SLC38A11: variants seen among roughly 807,000 people sequenced by gnomAD.
The protein encoded by SLC38A11 is solute carrier family 38 member 11, also known as putative sodium-coupled neutral amino acid transporter 11.
A neutral mutation model predicts 49.4 loss-of-function variants in SLC38A11; 51 were observed. That is an observed-to-expected ratio of 1.03 (90% CI 0.83 to 1.30). The LOEUF is 1.30. Ranked by LOEUF, SLC38A11 falls within the 50% of genes most tolerant of loss-of-function variation. The pLI is 0.00. For synonymous variants in SLC38A11, 203 were observed against 192.9 expected (o/e 1.05, Z -0.43); for missense variants, 574 against 556.2 (o/e 1.03, Z -0.32).
At chr2:164,930,051 T>G (rs545681744) in intron 7 of SLC38A11, among the ~76,000 whole-genome samples, 1 of 149,536 alleles carries the variant, frequency 6.7e-6, no homozygotes, top group Non-Finnish European at 1.5e-5. Flanking sequence ...TAAATATAAT[T>G]AAAAACGACA....
intron 11 of SLC38A11, among the ~76,000 whole-genome samples, chr2:164,902,084 A>G (rs1684692564): frequency 6.9e-6 from 1 of 143,892 alleles, no homozygotes; most frequent in Non-Finnish European, 1.5e-5. Flanking sequence ...CCTAGGCTAG[A>G]GTGCACTAGC....
At chr2:164,919,607 G>T (rs60447452) in intron 7 of SLC38A11, among the ~76,000 whole-genome samples, 39,780 of 152,006 alleles carry the variant, frequency 0.26, 6,029 homozygotes, top group South Asian at 0.46. Flanking sequence ...AAAAGCCATG[G>T]ATGCTCAAGT....
intron 3 of SLC38A11, among the ~76,000 whole-genome samples, chr2:164,950,580 A>G (rs1439525519): frequency 5.3e-5 from 8 of 152,204 alleles, no homozygotes; most frequent in Admixed American, 5.2e-4. Flanking sequence ...TTAAAAATTC[A>G]TGAATGAATC....
intron 9 of SLC38A11, among the ~76,000 whole-genome samples, chr2:164,914,297 C>A (rs1259300398): frequency 7.4e-6 from 1 of 135,560 alleles, no homozygotes; most frequent in Admixed American, 7.0e-5. Context: ...ACTGCCCTGA[C>A]TACTACACTA....
At chr2:164,919,477 T>C (rs1184750736) in intron 7 of SLC38A11, among the ~76,000 whole-genome samples, 1 of 152,154 alleles carries the variant, frequency 6.6e-6, no homozygotes, top group Non-Finnish European at 1.5e-5. Context: ...TAAAATTATT[T>C]ATATACACAT....
intron 7 of SLC38A11, chr2:164,922,258 A>G (rs1019699745): frequency 2.0e-5 from 3 of 152,188 alleles, no homozygotes; most frequent in African/African-American, 7.2e-5. Context: ...ACTTTCAAAT[A>G]TACAATTCCG....
At chr2:164,948,757 G>A (rs1347369593) in intron 3 of SLC38A11, among the ~76,000 whole-genome samples, 2 of 152,132 alleles carry the variant, frequency 1.3e-5, no homozygotes, top group Non-Finnish European at 2.9e-5. Flanking sequence ...ATCTGCCTTT[G>A]CAAACCTCTC....
At chr2:164,901,219 G>A (rs906164286) in intron 11 of SLC38A11, among the ~76,000 whole-genome samples, 12 of 152,044 alleles carry the variant, frequency 7.9e-5, no homozygotes, top group Admixed American at 4.6e-4. Flanking sequence ...AATATCATTT[G>A]AAATCAGAAA....
intron 11 of SLC38A11, among the ~76,000 whole-genome samples, chr2:164,907,090 G>A (rs182777014): frequency 6.6e-6 from 1 of 152,056 alleles, no homozygotes; most frequent in African/African-American, 2.4e-5. Context: ...ACTTTGTAGT[G>A]GTAGAACAAC....
At chr2:164,902,974 C>G (rs972865375) in intron 11 of SLC38A11, among the ~76,000 whole-genome samples, 1 of 151,998 alleles carries the variant, frequency 6.6e-6, no homozygotes, top group Non-Finnish European at 1.5e-5. Flanking sequence ...TACAAAGGTA[C>G]ACAAAAAATA....
rs1684401046 is a variant in SLC38A11 at position 164,897,698 on chromosome 2, A to G, written c.*739T>C. The stretch of plus-strand genomic sequence containing the variant: ...ACTAAAAATCCAACAGGTCCATATC[A>G]CCAATCTCTTAGGTTCTTGCCACAG... On this transcript the variant is annotated 3_prime_UTR_variant, in exon 12 of 12. Coordinates refer to ENST00000685975, the MANE Select transcript of SLC38A11 (RefSeq NM_001351537.2). 1.3e-5 allele frequency: 2 copies of G among 152,192 alleles called. No homozygotes were observed. The highest frequency in any genetic ancestry group is 4.8e-5 in the African/African-American group (2 of 41,492). The allele number at this position is 152,192 out of a possible 1,614,324, so 9.4% of individuals were successfully genotyped here.
At chr2:164,950,182 TA>T (rs1432479502) in intron 3 of SLC38A11, 1 of 152,194 alleles carries the variant, frequency 6.6e-6, no homozygotes, top group African/African-American at 2.4e-5. Flanking sequence ...TGGACTTCAG[TA>T]GGTTAAAACG....
chr2:164,904,200 C>T lies in SLC38A11; in HGVS notation c.1095+4440G>A, dbSNP rs553088438. Among the ~76,000 whole-genome samples, 7 of 152,284 alleles carry T rather than the reference C, an allele frequency of 4.6e-5. No homozygotes were observed. The South Asian group carries it at 1.2e-3, about 27-fold the overall frequency. ...ACAGGCACCAGCTGCTTCATTTTCTCTCTTTGTACTGCTGCGAGTAGAAAC... is the reference window on the plus strand; with the variant it reads ...ACAGGCACCAGCTGCTTCATTTTCTTTCTTTGTACTGCTGCGAGTAGAAAC... On this transcript the variant is annotated intron_variant, in intron 11 of 11. Coordinates refer to ENST00000685975, the MANE Select transcript of SLC38A11 (RefSeq NM_001351537.2).
At chr2:164,937,915 C>T (rs1288327377) in intron 6 of SLC38A11, among the ~76,000 whole-genome samples, 1 of 151,508 alleles carries the variant, frequency 6.6e-6, no homozygotes, top group African/African-American at 2.4e-5. Context: ...TCAGCTTTTT[C>T]CTCTCTGCTC....
rs146772021 is a variant in SLC38A11, at chr2:164,929,621, G to A, written c.617+7729C>T. Among the ~76,000 whole-genome samples, 935 of 152,220 alleles carry A rather than the reference G, an allele frequency of 6.1e-3. 7 individuals carry two copies. The highest frequency in any genetic ancestry group is 0.021 in the African/African-American group (889 of 41,546). ...CACAGACAGATGGTAAAAGAGAGAC[G>A]ATGTCTGATTTCATTAATTGAGCTC... On this transcript the variant is annotated intron_variant, in intron 7 of 11. Transcript: ENST00000685975.
At chr2:164,938,872 G>A (rs367697527) in intron 6 of SLC38A11, among the ~76,000 whole-genome samples, 2 of 152,220 alleles carry the variant, frequency 1.3e-5, no homozygotes, top group East Asian at 1.9e-4. Context: ...GAGAGTAAGT[G>A]CAAATGAGCA....
At chr2:164,955,135 T>G in intron 1 of SLC38A11, 74 bp downstream of exon 1, 3 of 1,403,124 alleles carry the variant, frequency 2.1e-6, no homozygotes, top group Non-Finnish European at 3.0e-6. Flanking sequence ...TGAAGGTAGG[T>G]GACCTGACCT....
chr2:164,915,238 T>G lies in SLC38A11; in HGVS notation c.724A>C (p.Ser242Arg). Residue 242 changes from serine to arginine, a missense_variant, in exon 9 of 12, where the codon AGT becomes CGT. Ser to Arg is a moderately radical substitution (Grantham distance 110). Coordinates refer to ENST00000685975, the MANE Select transcript of SLC38A11 (RefSeq NM_001351537.2). ...GCTACTGTGGGTTCTTCTAGAGAAC[T>G]GTAAACTAAGAAGGAGTTATGGTGG... ...ICHHNSFLVY[S>R]SLEEPTVAKW... The G allele has an allele frequency of 6.2e-7, 1 of 1,609,684 alleles. No homozygotes were observed.
At chr2:164,903,883 T>A (rs903928763) in intron 11 of SLC38A11, among the ~76,000 whole-genome samples, 1 of 152,136 alleles carries the variant, frequency 6.6e-6, no homozygotes, top group Non-Finnish European at 1.5e-5. Flanking sequence ...GTGCCTGAAT[T>A]TTCCTACCTG....
Sources: allele counts gnomAD v4.1 joint callset (sites outside exome capture counted in the v4.1 genomes callset), GRCh38; gene constraint gnomAD v4.1.1; transcripts MANE v1.5; gene names NCBI Gene and HGNC (gene_info 2026-07-23, HGNC 2026-07-21).